The following L3MBTL4 variants were observed in gnomAD, a reference collection of about 807,000 sequenced individuals.
The protein encoded by L3MBTL4 is L3MBTL histone methyl-lysine binding protein 4.
L3MBTL4 carries 70 observed loss-of-function variants against 84.5 expected under a neutral mutation model. The observed-to-expected ratio is 0.83, with a 90% CI of 0.68 to 1.01. The LOEUF is 1.01. L3MBTL4 is among the 50% of genes least tolerant of loss of function. L3MBTL4 has a pLI of 0.00. For synonymous variants in L3MBTL4, 274 were observed against 259.8 expected (o/e 1.05, Z -0.52); for missense variants, 715 against 754.8 (o/e 0.95, Z 0.62).
intron 15 of L3MBTL4, 138 bp downstream of exon 15, chr18:6,093,217 C>A: frequency 1.3e-5 from 8 of 638,930 alleles, no homozygotes; most frequent in South Asian, 2.8e-5. Flanking sequence ...TTTTATCAGC[C>A]CAGCGAACCT....
chr18:6,174,383 G>A (rs1568255991), intron 12 of L3MBTL4, among the ~76,000 whole-genome samples: 1 of 152,072 alleles, frequency 6.6e-6, no homozygotes, highest in Non-Finnish European at 1.5e-5. Flanking sequence ...AGTGAACAGA[G>A]AATTTCAGGA....
chr18:5,958,075 AG>A (rs2095239615), intron 18 of L3MBTL4, among the ~76,000 whole-genome samples: 1 of 45,418 alleles, frequency 2.2e-5, no homozygotes, highest in Non-Finnish European at 3.2e-5. Flanking sequence ...AAGAAGAAGA[AG>A]AAGAAGAAGA....
rs145461074 is a variant in L3MBTL4 at position 6,030,269 on chromosome 18, T to C, written c.1444+50612A>G. 5.7e-4 allele frequency: 565 copies of C among 983,556 alleles called. 3 individuals are homozygous for C. The African/African-American group carries it at 9.3e-3, about 16-fold the overall frequency. The allele number at this position is 983,556 out of a possible 1,614,324, so 60.9% of individuals were successfully genotyped here. A position where few individuals can be genotyped will look rare whatever the true frequency, so the allele number is the denominator to read the frequency against. On this transcript the variant is annotated intron_variant, in intron 16 of 18. Transcript: ENST00000317931. The stretch of plus-strand genomic sequence containing the variant: ...TCAGGGAGAGATACCCCCTTATACC[T>C]GTTGAATTTTGCACCAAATGCACAA...
intron 3 of L3MBTL4, among the ~76,000 whole-genome samples, chr18:6,308,352 G>T (rs2050684591): frequency 6.6e-6 from 1 of 152,126 alleles, no homozygotes; most frequent in Admixed American, 6.5e-5. Flanking sequence ...ATAAACTAGG[G>T]TGATCTCTTT....
chr18:5,960,062 A>C, intron 18 of L3MBTL4, 32 bp downstream of exon 18: 1 of 410,974 alleles, frequency 2.4e-6, no homozygotes, highest in Non-Finnish European at 3.8e-6. Flanking sequence ...ATATATATAC[A>C]TATATATATA....
At chr18:6,341,903 C>T (rs2052625001) in intron 1 of L3MBTL4, among the ~76,000 whole-genome samples, 1 of 151,860 alleles carries the variant, frequency 6.6e-6, no homozygotes, top group South Asian at 2.1e-4. Context: ...AAAAACAACT[C>T]ATCACATATA....
intron 1 of L3MBTL4, among the ~76,000 whole-genome samples, chr18:6,344,778 A>T (rs1199136334): frequency 6.6e-6 from 1 of 152,200 alleles, no homozygotes; most frequent in African/African-American, 2.4e-5. Context: ...TGAAGGATAA[A>T]AATCGTGATC....
chr18:6,410,069 C>T (rs2039778625), intron 1 of L3MBTL4, among the ~76,000 whole-genome samples: 1 of 151,400 alleles, frequency 6.6e-6, no homozygotes. Context: ...CCTGCAATGG[C>T]ATCCTAACCA....
chr18:6,037,167 T>C (rs1212184291), intron 16 of L3MBTL4, among the ~76,000 whole-genome samples: 1 of 149,356 alleles, frequency 6.7e-6, no homozygotes, highest in Non-Finnish European at 1.5e-5. Flanking sequence ...CAAGACCCTT[T>C]TTGCCCACCC....
intron 4 of L3MBTL4, among the ~76,000 whole-genome samples, chr18:6,273,755 A>G (rs2048969711): frequency 1.3e-5 from 2 of 152,240 alleles, no homozygotes; most frequent in South Asian, 4.1e-4. Flanking sequence ...AAGAACAAGA[A>G]AGAATGGAAA....
At chr18:6,139,370 C>T (rs991622911) in intron 13 of L3MBTL4, among the ~76,000 whole-genome samples, 1 of 152,048 alleles carries the variant, frequency 6.6e-6, no homozygotes, top group Non-Finnish European at 1.5e-5. Context: ...ATGCACTGTA[C>T]TCTAACCATG....
chr18:5,986,069 C>T (rs1338821140), intron 16 of L3MBTL4, among the ~76,000 whole-genome samples: 2 of 152,090 alleles, frequency 1.3e-5, no homozygotes, highest in Non-Finnish European at 2.9e-5. Flanking sequence ...AACCAATCCA[C>T]AAAAATTGTA....
intron 16 of L3MBTL4, among the ~76,000 whole-genome samples, chr18:6,051,538 CAA>C (rs71370540): frequency 6.5e-5 from 9 of 138,520 alleles, no homozygotes; most frequent in Admixed American, 7.2e-5. Context: ...GGCTCTGTCT[CAA>C]AAAAAAAAAA....
intron 5 of L3MBTL4, chr18:6,256,643 GAA>G (rs938757374): frequency 2.6e-5 from 4 of 151,960 alleles, no homozygotes; most frequent in Non-Finnish European, 5.9e-5. Context: ...TGTTTAGAGA[GAA>G]AGGGGATGAA....
chr18:6,014,639 G>C (rs755912972), intron 16 of L3MBTL4, among the ~76,000 whole-genome samples: 8 of 152,166 alleles, frequency 5.3e-5, no homozygotes, highest in East Asian at 1.9e-4. Context: ...ACAGAACAGA[G>C]AGTCCACATG....
chr18:6,401,496 C>A (rs900108806), intron 1 of L3MBTL4, among the ~76,000 whole-genome samples: 7 of 152,066 alleles, frequency 4.6e-5, no homozygotes, highest in African/African-American at 1.7e-4. Flanking sequence ...GTGCACAGGG[C>A]AAAAAATGCA....
chr18:6,184,116 T>C (rs2044611347), intron 12 of L3MBTL4, among the ~76,000 whole-genome samples: 1 of 152,222 alleles, frequency 6.6e-6, no homozygotes, highest in African/African-American at 2.4e-5. Flanking sequence ...GAATGCATCA[T>C]GTACACTATT....
rs532848927 is a variant in L3MBTL4 at position 5,956,841 on chromosome 18, C to G, written c.1678-454G>C. On this transcript the variant is annotated intron_variant, in intron 18 of 18. Transcript: ENST00000317931. ...CCAATAATATCAGAAGTAAATAATA[C>G]TATAGTCAGAGTGGGCTACTATGCA... Among the ~76,000 whole-genome samples, 10 of 152,200 alleles carry G rather than the reference C, an allele frequency of 6.6e-5. No homozygotes were observed. The South Asian group carries it at 2.1e-3, about 32-fold the overall frequency.
chr18:5,958,830 CT>C lies in L3MBTL4; in HGVS notation c.1677+1263del, dbSNP rs1465464701. 2.0e-5 allele frequency among the ~76,000 whole-genome samples: 3 copies of C among 152,148 alleles called. No homozygotes were observed. The East Asian group carries it at 5.8e-4, about 29-fold the overall frequency. ...GGATAAGAGGGGTTCAGCAATCTGCCTAAAGTGACAGTACTGGTCAGTGAGT... is the reference window on the plus strand; with the variant it reads ...GGATAAGAGGGGTTCAGCAATCTGCCAAAGTGACAGTACTGGTCAGTGAGT... On this transcript the variant is annotated intron_variant, in intron 18 of 18. Transcript: ENST00000317931.
Sources: allele counts gnomAD v4.1 joint callset (sites outside exome capture counted in the v4.1 genomes callset), GRCh38; gene constraint gnomAD v4.1.1; transcripts MANE v1.5; gene names NCBI Gene and HGNC (gene_info 2026-07-23, HGNC 2026-07-21).